MAP3K13: variants seen among roughly 807,000 people sequenced by gnomAD.
The protein encoded by MAP3K13 is leucine zipper-bearing kinase.
MAP3K13 carries 52 observed loss-of-function variants against 104.0 expected under a neutral mutation model. That is an observed-to-expected ratio of 0.50 (90% CI 0.40 to 0.63). The LOEUF is 0.63. MAP3K13 is among the 20% of genes least tolerant of loss of function. MAP3K13 has a pLI of 0.00. For synonymous variants in MAP3K13, 394 were observed against 442.2 expected (o/e 0.89, Z 1.37); for missense variants, 914 against 1,218.5 (o/e 0.75, Z 3.72).
chr3:185,329,669 C>T (rs1722173135), intron 2 of MAP3K13, among the ~76,000 whole-genome samples: 1 of 152,142 alleles, frequency 6.6e-6, no homozygotes, highest in Non-Finnish European at 1.5e-5. Flanking sequence ...ATTAGAGTTG[C>T]CGTGTTTCAG....
intron 10 of MAP3K13, among the ~76,000 whole-genome samples, chr3:185,470,081 G>T (rs1717688937): frequency 6.6e-6 from 1 of 152,074 alleles, no homozygotes; most frequent in African/African-American, 2.4e-5. Flanking sequence ...TGCAGAGAAG[G>T]GCTGCTGCTC....
At position 185,428,782 on chromosome 3, in the gene MAP3K13, A is replaced by G; in HGVS notation, c.201A>G (p.Thr67=). 1 of 1,614,120 alleles carries G rather than the reference A, an allele frequency of 6.2e-7. No homozygotes were observed. The highest frequency in any genetic ancestry group is 8.5e-7 in the Non-Finnish European group (1 of 1,180,018). The stretch of plus-strand genomic sequence containing the variant: ...GCGTGCACAGCCCCGTCACCACAAC[A>G]GTGTTGACGAGCGTAAGTGAGGATT... The part of the protein sequence containing the change: ...IESVHSPVTT[T]VLTSVSEDSR... Residue 67 remains threonine, a synonymous_variant, in exon 2 of 14, where the codon ACA becomes ACG. Transcript: ENST00000265026.
At position 185,486,594 on chromosome 3, in the gene MAP3K13, TACA is replaced by T. The variant is rs1718728316; in HGVS notation, c.*4142_*4144del. The T allele has an allele frequency of 6.6e-6, 1 of 152,250 alleles. No homozygotes were observed. Among genetic ancestry groups the T allele is most frequent in the Non-Finnish European group, 1.5e-5 (1 of 68,040 alleles). The allele number at this position is 152,250 out of a possible 1,614,324, so 9.4% of individuals were successfully genotyped here. ...AATTCTTCAGTCCTGACAAGTGTGT[TACA>T]ACAGTGCTTCCAGGAACCTCACAAG... On this transcript the variant is annotated 3_prime_UTR_variant, in exon 14 of 14. Coordinates refer to ENST00000265026, the MANE Select transcript of MAP3K13 (RefSeq NM_004721.5).
intron 7 of MAP3K13, among the ~76,000 whole-genome samples, chr3:185,458,931 C>A (rs1214913931): frequency 1.3e-5 from 2 of 152,178 alleles, no homozygotes; most frequent in Non-Finnish European, 2.9e-5. Flanking sequence ...AGACAATCAC[C>A]CATTTCTCCA....
chr3:185,375,803 G>C (rs570652158), intron 1 of MAP3K13, among the ~76,000 whole-genome samples: 1 of 152,280 alleles, frequency 6.6e-6, no homozygotes, highest in South Asian at 2.1e-4. Flanking sequence ...TTTTATTAAG[G>C]AGGCATTAAT....
At chr3:185,457,020 C>G (rs1418756108) in intron 7 of MAP3K13, among the ~76,000 whole-genome samples, 1 of 152,186 alleles carries the variant, frequency 6.6e-6, no homozygotes, top group Non-Finnish European at 1.5e-5. Flanking sequence ...TTTGGAAAAA[C>G]TTCCAGTTCT....
intron 1 of MAP3K13, among the ~76,000 whole-genome samples, chr3:185,400,590 T>C (rs565977455): frequency 6.6e-6 from 1 of 152,324 alleles, no homozygotes; most frequent in Admixed American, 6.5e-5. Context: ...GGTGTAGCCT[T>C]GTGATTTCAG....
At chr3:185,394,842 T>C (rs1712285436) in intron 1 of MAP3K13, among the ~76,000 whole-genome samples, 1 of 152,238 alleles carries the variant, frequency 6.6e-6, no homozygotes, top group Admixed American at 6.5e-5. Context: ...AGCAATCTAC[T>C]GACTGTGTAA....
At chr3:185,402,257 G>A (rs186668206) in intron 1 of MAP3K13, among the ~76,000 whole-genome samples, 157 of 152,160 alleles carry the variant, frequency 1.0e-3, no homozygotes, top group Admixed American at 5.4e-3. Flanking sequence ...AAAGCCTCTC[G>A]GGCCTTAGCA....
In MAP3K13 at chr3:185,418,707, C is replaced by G; in HGVS notation, c.-85-9790C>G. Reference sequence around the variant, plus strand: ...GAATAGGAGCCTTGAATACAGCAGGCTAAGTGACATTTTTGCCAGATGACT... The same window carrying G: ...GAATAGGAGCCTTGAATACAGCAGGGTAAGTGACATTTTTGCCAGATGACT... On this transcript the variant is annotated intron_variant, in intron 1 of 13. Coordinates refer to ENST00000265026, the MANE Select transcript of MAP3K13 (RefSeq NM_004721.5). This position sits in a 1 kb window ranked among gnomAD's most constrained non-coding sequence, Gnocchi z 4.5. 6.2e-7 allele frequency: 1 copy of G among 1,611,162 alleles called. No homozygotes were observed. Among genetic ancestry groups the G allele is most frequent in the Non-Finnish European group, 8.5e-7 (1 of 1,177,996 alleles).
chr3:185,297,589 G>A (rs1009736579), intron 2 of MAP3K13, among the ~76,000 whole-genome samples: 18 of 152,210 alleles, frequency 1.2e-4, no homozygotes, highest in African/African-American at 3.9e-4. Context: ...ACAAAAATCA[G>A]CCAGGTGTGG....
chr3:185,302,107 TTAA>T (rs1282822259), intron 2 of MAP3K13, among the ~76,000 whole-genome samples: 6 of 152,144 alleles, frequency 3.9e-5, no homozygotes, highest in Non-Finnish European at 8.8e-5. Flanking sequence ...TATGGACATT[TTAA>T]TAATAAGTCT....
intron 2 of MAP3K13, among the ~76,000 whole-genome samples, chr3:185,311,580 T>C (rs192254837): frequency 3.3e-5 from 5 of 152,298 alleles, no homozygotes; most frequent in Non-Finnish European, 5.9e-5. Flanking sequence ...TTACTTATTT[T>C]CTTGGCAGCC....
At chr3:185,459,600 C>A (rs139949918) in intron 7 of MAP3K13, among the ~76,000 whole-genome samples, 3 of 152,196 alleles carry the variant, frequency 2.0e-5, no homozygotes, top group African/African-American at 7.2e-5. Context: ...CAGGCACCTG[C>A]CATCATGCTG....
intron 7 of MAP3K13, among the ~76,000 whole-genome samples, chr3:185,457,868 T>C (rs9851872): frequency 0.74 from 112,887 of 152,010 alleles, 42,949 homozygotes; most frequent in Non-Finnish European, 0.84. Context: ...CTACAAATAG[T>C]AAGAGACCTT....
chr3:185,291,471 GT>G (rs1720736030), intron 2 of MAP3K13: 1 of 826,342 alleles, frequency 1.2e-6, no homozygotes, highest in Non-Finnish European at 1.7e-6. Flanking sequence ...CCTTTTCTTT[GT>G]TTTTGATTTT....
At chr3:185,346,987 GTTTTTTTTT>G (rs201877429) in intron 2 of MAP3K13, among the ~76,000 whole-genome samples, 1 of 127,680 alleles carries the variant, frequency 7.8e-6, no homozygotes, top group African/African-American at 3.0e-5. Context: ...CACAAAGGAA[GTTTTTTTTT>G]TTTTTTTTTT....
intron 1 of MAP3K13, among the ~76,000 whole-genome samples, chr3:185,421,162 T>C (rs1714100506): frequency 6.6e-6 from 1 of 152,086 alleles, no homozygotes; most frequent in South Asian, 2.1e-4. Flanking sequence ...TTCTTTTCTT[T>C]TCTTTTTTTG....
intron 1 of MAP3K13, among the ~76,000 whole-genome samples, chr3:185,407,968 C>A (rs1332940897): frequency 6.8e-6 from 1 of 147,208 alleles, no homozygotes; most frequent in Non-Finnish European, 1.5e-5. Context: ...CCTTGAACTC[C>A]TGCGCTCAAG....
Sources: allele counts gnomAD v4.1 joint callset (sites outside exome capture counted in the v4.1 genomes callset), GRCh38; gene constraint gnomAD v4.1.1; non-coding constraint Gnocchi (gnomAD v3.1); transcripts MANE v1.5; gene names NCBI Gene and HGNC (gene_info 2026-07-23, HGNC 2026-07-21).